DPP6: variants seen among roughly 807,000 people sequenced by gnomAD.
The protein encoded by DPP6 is A-type potassium channel modulatory protein DPP6.
A neutral mutation model predicts 122.6 loss-of-function variants in DPP6; 69 were observed. That is an observed-to-expected ratio of 0.56 (90% confidence interval 0.46 to 0.69). The LOEUF (loss-of-function observed/expected upper bound fraction) is 0.69. DPP6 is among the 30% of genes least tolerant of loss of function. The probability of loss-of-function intolerance (pLI) is 0.00; values close to 1 mark genes in which losing one functional copy is unlikely to be tolerated. For synonymous variants in DPP6, 418 were observed against 433.1 expected (o/e 0.97, Z 0.43); for missense variants, 928 against 1,116.9 (o/e 0.83, Z 2.41).
At chr7:153,879,017 T>C in the DPP6 span, among the ~76,000 whole-genome samples, 1 of 151,914 alleles carries the variant, frequency 6.6e-6, no homozygotes, top group African/African-American at 2.4e-5. Flanking sequence ...AAAATGAAGC[T>C]GGAAAAGTAA....
intron 16 of DPP6, among the ~76,000 whole-genome samples, chr7:154,840,458 G>T (rs548232391): frequency 1.3e-5 from 2 of 152,322 alleles, no homozygotes; most frequent in South Asian, 2.1e-4. Context: ...CTGATCAGAT[G>T]TGAAAGCAAA....
chr7:154,065,266 G>C (rs1222719946), intron 1 of DPP6, among the ~76,000 whole-genome samples: 3 of 134,426 alleles, frequency 2.2e-5, no homozygotes, highest in Non-Finnish European at 4.9e-5. Flanking sequence ...AAGGCTGTGA[G>C]GGCCCTGGGA....
Position 154,030,064 on chromosome 7 carries a change from C to T in DPP6, c.51+142330C>T, listed in dbSNP as rs577464988. Among the ~76,000 whole-genome samples, 26 of 152,100 alleles carry T rather than the reference C, an allele frequency of 1.7e-4. No homozygotes were observed. In the East Asian group the frequency reaches 1.9e-3, roughly 11 times the overall value. ...TACAAGAATTAGCCAGGCGTGGCGG[C>T]GCACACCTGTAGTTCCAAGTACTCA... On this transcript the variant is annotated intron_variant, in intron 1 of 25. Coordinates refer to the DPP6 transcript ENST00000404039.
chr7:154,207,998 A>C (rs1799541218), intron 1 of DPP6, among the ~76,000 whole-genome samples: 4 of 152,110 alleles, frequency 2.6e-5, no homozygotes, highest in Admixed American at 2.6e-4. Flanking sequence ...CGTTTTTTAC[A>C]TGTAATTGGG....
At chr7:154,557,968 T>A (rs766121614) in intron 4 of DPP6, among the ~76,000 whole-genome samples, 29 of 152,166 alleles carry the variant, frequency 1.9e-4, no homozygotes, top group Admixed American at 4.6e-4. Context: ...ATTATTATAC[T>A]TTAAGTTCTG....
At chr7:154,451,295 G>A (rs1276449263) in intron 2 of DPP6, among the ~76,000 whole-genome samples, 1 of 151,012 alleles carries the variant, frequency 6.6e-6, no homozygotes, top group Non-Finnish European at 1.5e-5. Context: ...AGGAGGCAGA[G>A]GTTGCAGTGA....
chr7:154,576,612 G>T (rs1308248570), intron 5 of DPP6, among the ~76,000 whole-genome samples: 2 of 152,136 alleles, frequency 1.3e-5, no homozygotes, highest in African/African-American at 4.8e-5. Context: ...GAGAGTGATG[G>T]TGGAGGAGTG....
chr7:154,758,103 A>C (rs1304027434), intron 8 of DPP6, among the ~76,000 whole-genome samples: 1 of 152,206 alleles, frequency 6.6e-6, no homozygotes, highest in Non-Finnish European at 1.5e-5. Context: ...TCTTGCAGAC[A>C]TGTTCTTGCC....
At chr7:154,806,190 A>C (rs917627778) in intron 15 of DPP6, among the ~76,000 whole-genome samples, 6 of 152,266 alleles carry the variant, frequency 3.9e-5, no homozygotes, top group Admixed American at 6.5e-5. Flanking sequence ...TCTAAATTAC[A>C]GAATGAGAAG....
chr7:154,613,935 C>T (rs1834070091), intron 5 of DPP6, among the ~76,000 whole-genome samples: 1 of 152,210 alleles, frequency 6.6e-6, no homozygotes, highest in Admixed American at 6.5e-5. Context: ...GCCAAGCCTC[C>T]AGATGGAGAG....
Position 154,060,078 on chromosome 7 carries a change from G to C in DPP6, c.243+7015G>C, listed in dbSNP as rs552183912. On this transcript the variant is annotated intron_variant, in intron 1 of 25. Transcript: ENST00000377770. ...CCCCTCTTCCCCCCCTGGCTCTTGG[G>C]ACCACCATCGCAGGGGGGGAGGCAA... Among the ~76,000 whole-genome samples, 5 of 149,578 alleles carry C rather than the reference G, an allele frequency of 3.3e-5. No individual in the cohort carries two copies. In the East Asian group the frequency reaches 1.0e-3, roughly 30 times the overall value.
chr7:154,370,455 T>G (rs1033486465), intron 1 of DPP6, among the ~76,000 whole-genome samples: 3 of 152,170 alleles, frequency 2.0e-5, no homozygotes, highest in Admixed American at 2.0e-4. Flanking sequence ...AAGTAGATGA[T>G]TGATTTCTCT....
rs777318090 is a variant in DPP6 at position 154,635,408 on chromosome 7, T to C, written c.628-2413T>C. On this transcript the variant is annotated intron_variant, in intron 5 of 25. Coordinates refer to ENST00000377770, the MANE Select transcript of DPP6 (RefSeq NM_130797.4). ...TCCCAGCCCCTCACCACCTCTGTCC[T>C]GATACTATTTTAACAAGGAATTTAT... Among the ~76,000 whole-genome samples, 3 of 152,156 alleles carry C rather than the reference T, an allele frequency of 2.0e-5. 1 individual carries two copies. Among genetic ancestry groups the C allele is most frequent in the African/African-American group, 4.8e-5 (2 of 41,408 alleles).
At chr7:154,811,620 A>C (rs1799067169) in intron 16 of DPP6, among the ~76,000 whole-genome samples, 1 of 152,230 alleles carries the variant, frequency 6.6e-6, no homozygotes, top group Non-Finnish European at 1.5e-5. Context: ...CTTTTGCAGC[A>C]TGTGAATCAG....
chr7:154,245,635 C>CACAAAAAAAAAAAAAAAAAAA (rs1801931850), intron 1 of DPP6, among the ~76,000 whole-genome samples: 1 of 100,668 alleles, frequency 9.9e-6, no homozygotes, highest in African/African-American at 4.0e-5. Flanking sequence ...AAGACTGTCT[C>CACAAAAAAAAAAAAAAAAAAA]AAAAAAAAAA....
chr7:154,445,506 T>C (rs1198702231), intron 1 of DPP6, among the ~76,000 whole-genome samples: 1 of 152,164 alleles, frequency 6.6e-6, no homozygotes, highest in Non-Finnish European at 1.5e-5. Context: ...TAGCACCCTT[T>C]AGCAGTGTCT....
At chr7:154,730,732 G>A (rs899923979) in intron 8 of DPP6, among the ~76,000 whole-genome samples, 11 of 152,126 alleles carry the variant, frequency 7.2e-5, no homozygotes, top group South Asian at 2.1e-4. Flanking sequence ...TGTGTCCCCC[G>A]TCCCTAAGAG....
rs1823227502 is a variant in DPP6, at chr7:154,481,029, G to C, written c.457+5992G>C. Among the ~76,000 whole-genome samples, 1 of 152,104 alleles carries C rather than the reference G, an allele frequency of 6.6e-6. No individual in the cohort carries two copies. The highest frequency in any genetic ancestry group is 2.4e-5 in the African/African-American group (1 of 41,410). ...GGTGCATGAATACCATGGCAGACTTGGCATCAGTCCACTCGGAGGGTTGGA... is the reference window on the plus strand; with the variant it reads ...GGTGCATGAATACCATGGCAGACTTCGCATCAGTCCACTCGGAGGGTTGGA... On this transcript the variant is annotated intron_variant, in intron 3 of 25. Coordinates refer to ENST00000377770, the MANE Select transcript of DPP6 (RefSeq NM_130797.4). This position sits in a 1 kb window ranked among gnomAD's most constrained non-coding sequence, Gnocchi z 4.2.
At chr7:154,678,263 C>T (rs1163894865) in intron 7 of DPP6, among the ~76,000 whole-genome samples, 1 of 152,230 alleles carries the variant, frequency 6.6e-6, no homozygotes, top group Admixed American at 6.5e-5. Context: ...CTCGGGTTCC[C>T]TTCCACGTGG....
Sources: allele counts gnomAD v4.1 joint callset (sites outside exome capture counted in the v4.1 genomes callset), GRCh38; gene constraint gnomAD v4.1.1; non-coding constraint Gnocchi (gnomAD v3.1); transcripts MANE v1.5; gene names NCBI Gene and HGNC (gene_info 2026-07-23, HGNC 2026-07-21).